Variants in OLA1 observed in about 807,000 individuals in gnomAD.
OLA1 encodes the protein obg-like ATPase 1.
Under a neutral mutation model 48.4 loss-of-function variants are expected in OLA1, and 14 were observed. The observed-to-expected ratio is 0.29, with a 90% CI of 0.19 to 0.45. The LOEUF (loss-of-function observed/expected upper bound fraction) is 0.45, where lower values mean the gene tolerates loss of function less well. Among genes scored for constraint, OLA1 ranks in the 20% least tolerant of loss-of-function variants. The pLI, the probability that OLA1 is intolerant of heterozygous loss-of-function variation, is 1.00. For synonymous variants in OLA1, 127 were observed against 150.4 expected, an observed-to-expected ratio of 0.84 and a Z score of 1.14; for missense variants, 325 against 467.1, an observed-to-expected ratio of 0.70 and a Z score of 2.80.
chr2:174,233,343 A>G (rs1311512978), intron 2 of OLA1, among the ~76,000 whole-genome samples: 1 of 152,214 alleles, frequency 6.6e-6, no homozygotes, highest in Non-Finnish European at 1.5e-5. Context: ...ACTGCACATT[A>G]AAAAACGATT....
intron 7 of OLA1, among the ~76,000 whole-genome samples, chr2:174,100,517 C>T (rs913503696): frequency 1.3e-5 from 2 of 152,096 alleles, no homozygotes; most frequent in African/African-American, 2.4e-5. Context: ...AATCCTCCCA[C>T]GCTCAGCCTT....
intron 10 of OLA1, 120 bp downstream of exon 10, chr2:174,078,848 T>C (rs953759791): frequency 7.0e-6 from 7 of 1,000,340 alleles, no homozygotes; most frequent in African/African-American, 3.3e-5. Context: ...ACGCTGATCA[T>C]CTTATTACTT....
rs186506121 is a variant in OLA1, at chr2:174,133,625, G to A, written c.549+8200C>T. Among the ~76,000 whole-genome samples, 883 of 152,252 alleles carry A rather than the reference G, an allele frequency of 5.8e-3. 5 individuals are homozygous for A. Among genetic ancestry groups the A allele is most frequent in the Middle Eastern group, 0.01 (3 of 294 alleles). On this transcript the variant is annotated intron_variant, in intron 5 of 10. Transcript: ENST00000284719. ...CTCCCAAAGTACTGGGATTACAGGC[G>A]TGAGCCACTGCACCAGGCTGACATA...
chr2:174,081,100 G>T, intron 9 of OLA1, 52 bp downstream of exon 9: 2 of 1,437,686 alleles, frequency 1.4e-6, no homozygotes, highest in South Asian at 1.2e-5. Flanking sequence ...ATATCAATCT[G>T]AATTCAATAG....
At position 174,123,248 on chromosome 2, in the gene OLA1, C is replaced by T. The variant is rs537427582; in HGVS notation, c.660G>A (p.Leu220=). 8 of 1,558,200 alleles carry T rather than the reference C, an allele frequency of 5.1e-6. No homozygotes were observed. In the Admixed American group the frequency reaches 5.4e-5, roughly 11 times the overall value. The change falls in exon 7 of 11, where the codon TTG becomes TTA. Residue 220 remains leucine (L), a synonymous_variant. Coordinates refer to ENST00000284719, the MANE Select transcript of OLA1 (RefSeq NM_013341.5). ...EIEVLNKHLF[L]TSKPMVYLVN... is the part of the protein sequence containing the mutation. ...CCAAGTAGACCATTGGTTTTGAAGT[C>T]AAAAATAAGTGTTTATTCAACACTT...
At chr2:174,243,454 A>T (rs897044364) in intron 2 of OLA1, among the ~76,000 whole-genome samples, 1 of 152,208 alleles carries the variant, frequency 6.6e-6, no homozygotes, top group Non-Finnish European at 1.5e-5. Flanking sequence ...TCTCCTTATC[A>T]CTAAATCTAC....
intron 4 of OLA1, among the ~76,000 whole-genome samples, chr2:174,169,148 T>C (rs1348195105): frequency 6.6e-6 from 1 of 152,222 alleles, no homozygotes; most frequent in African/African-American, 2.4e-5. Flanking sequence ...GGTTTCGCCA[T>C]GTTGGCCAGG....
chr2:174,077,282 G>T (rs528407992), intron 10 of OLA1, among the ~76,000 whole-genome samples: 40 of 152,096 alleles, frequency 2.6e-4, no homozygotes, highest in African/African-American at 8.9e-4. Context: ...CACAGCACTG[G>T]CATTAAATTA....
intron 4 of OLA1, among the ~76,000 whole-genome samples, chr2:174,169,171 T>C (rs1687240775): frequency 6.6e-6 from 1 of 152,138 alleles, no homozygotes; most frequent in Non-Finnish European, 1.5e-5. Context: ...GGTCTCGAAC[T>C]CCTGACCTCA....
chr2:174,189,690 T>C (rs1687732569), intron 4 of OLA1, among the ~76,000 whole-genome samples: 1 of 152,144 alleles, frequency 6.6e-6, no homozygotes, highest in Admixed American at 6.5e-5. Flanking sequence ...CAGTACAAAA[T>C]GGTATAACTC....
chr2:174,139,353 G>C (rs549493263), intron 5 of OLA1, among the ~76,000 whole-genome samples: 1 of 152,312 alleles, frequency 6.6e-6, no homozygotes, highest in African/African-American at 2.4e-5. Flanking sequence ...AGAGGCTTCA[G>C]AGAGAGCATG....
At chr2:174,221,310 G>C (rs1429882710) in intron 4 of OLA1, among the ~76,000 whole-genome samples, 2 of 152,010 alleles carry the variant, frequency 1.3e-5, no homozygotes, top group African/African-American at 4.8e-5. Flanking sequence ...TGAATATTAT[G>C]TAAGAAACAA....
At chr2:174,112,392 T>C (rs987872954) in intron 7 of OLA1, among the ~76,000 whole-genome samples, 1 of 152,178 alleles carries the variant, frequency 6.6e-6, no homozygotes, top group Non-Finnish European at 1.5e-5. Context: ...ATCTTAAATA[T>C]AACTGGCATA....
At chr2:174,199,186 C>G (rs996589477) in intron 4 of OLA1, among the ~76,000 whole-genome samples, 4 of 152,114 alleles carry the variant, frequency 2.6e-5, no homozygotes, top group African/African-American at 9.7e-5. Context: ...TTGTAGAACC[C>G]CATTTCTATG....
chr2:174,183,441 T>A (rs1396484223), intron 4 of OLA1, among the ~76,000 whole-genome samples: 1 of 152,174 alleles, frequency 6.6e-6, no homozygotes, highest in Non-Finnish European at 1.5e-5. Context: ...AAGATCCAGG[T>A]TGGAGAAGAG....
At chr2:174,177,694 C>T (rs1174853360) in intron 4 of OLA1, among the ~76,000 whole-genome samples, 2 of 152,028 alleles carry the variant, frequency 1.3e-5, no homozygotes, top group Admixed American at 1.3e-4. Context: ...ACAAAGTCAG[C>T]TAGCTTAATA....
chr2:174,246,450 A>AT (rs1689130008), intron 2 of OLA1, among the ~76,000 whole-genome samples: 1 of 152,196 alleles, frequency 6.6e-6, no homozygotes, highest in Non-Finnish European at 1.5e-5. Flanking sequence ...CAAGCTTATT[A>AT]TGGTGGAGCT....
chr2:174,189,256 T>C (rs1017000102), intron 4 of OLA1, among the ~76,000 whole-genome samples: 4 of 152,018 alleles, frequency 2.6e-5, no homozygotes, highest in Admixed American at 2.0e-4. Context: ...AAAATATAAG[T>C]GAATTATTTT....
chr2:174,144,945 A>ATATAT (rs1307616947), intron 4 of OLA1, among the ~76,000 whole-genome samples: 60 of 68,242 alleles, frequency 8.8e-4, no homozygotes, highest in South Asian at 1.7e-3. Context: ...AAAAAAAAAA[A>ATATAT]AAAAAAATAT....
Sources: allele counts gnomAD v4.1 joint callset (sites outside exome capture counted in the v4.1 genomes callset), GRCh38; gene constraint gnomAD v4.1.1; transcripts MANE v1.5; gene names NCBI Gene and HGNC (gene_info 2026-07-23, HGNC 2026-07-21).